The following HECTD4 variants were observed in gnomAD, a reference collection of about 807,000 sequenced individuals.
The protein encoded by HECTD4 is probable E3 ubiquitin-protein ligase HECTD4.
In HECTD4, 114 loss-of-function variants were observed where a neutral mutation model predicts 471.5. The observed-to-expected ratio is 0.24, with a 90% CI of 0.21 to 0.28. The LOEUF (loss-of-function observed/expected upper bound fraction) is 0.28. Among genes scored for constraint, HECTD4 ranks in the 10% least tolerant of loss-of-function variants. The probability of loss-of-function intolerance (pLI) is 1.00; values close to 1 mark genes in which losing one functional copy is unlikely to be tolerated. For missense variants in HECTD4, 3,866 were observed against 5,651.5 expected (o/e 0.68, Z 10.13); for synonymous variants, 2,012 against 2,256.0 (o/e 0.89, Z 3.07).
chr12:112,256,442 C>T lies in HECTD4; in HGVS notation c.3205G>A (p.Val1069Met). The change falls in exon 21 of 76, where the codon GTG (valine) becomes ATG (methionine). Residue 1069 changes from valine to methionine, a missense_variant. Transcript: ENST00000682272. ...TCTCTGACGGGGTGGACTGTTTCCA[C>T]AGTCTTTCCAGCAGCCCATGGGGCA... The part of the protein sequence containing the change: ...IPAPWAAGKT[V>M]ETVHPVRDNY... The T allele has an allele frequency of 6.2e-7, 1 of 1,612,534 alleles. No individual in the cohort carries two copies. Among genetic ancestry groups the T allele is most frequent in the Non-Finnish European group, 8.5e-7 (1 of 1,179,224 alleles).
At chr12:112,259,364 C>A (rs1186439260) in intron 18 of HECTD4, 99 bp from the exon 19 acceptor site, 1 of 1,253,440 alleles carries the variant, frequency 8.0e-7, no homozygotes, top group East Asian at 2.5e-5. Flanking sequence ...CTAAACTGCA[C>A]CTCCTTAAAC....
intron 1 of HECTD4, among the ~76,000 whole-genome samples, chr12:112,376,497 T>C (rs538921486): frequency 2.0e-5 from 3 of 152,108 alleles, no homozygotes; most frequent in East Asian, 3.9e-4. Flanking sequence ...CTGCCCGCCG[T>C]GGCCTCCCAA....
chr12:112,294,637 C>T (rs1450026773), intron 7 of HECTD4, among the ~76,000 whole-genome samples: 1 of 152,062 alleles, frequency 6.6e-6, no homozygotes, highest in African/African-American at 2.4e-5. Flanking sequence ...CCTACCTTAC[C>T]CTCAACCAAC....
At chr12:112,265,431 G>A (rs2034247172) in intron 15 of HECTD4, 136 bp from the exon 16 acceptor site, 2 of 572,674 alleles carry the variant, frequency 3.5e-6, no homozygotes, top group African/African-American at 1.9e-5. Context: ...TAGTAATAAT[G>A]CTAACAACTA....
At chr12:112,165,810 G>A (rs767509083) in intron 72 of HECTD4, among the ~76,000 whole-genome samples, 1 of 152,256 alleles carries the variant, frequency 6.6e-6, no homozygotes, top group Non-Finnish European at 1.5e-5. Context: ...AGGGGAAACT[G>A]ATTCGCACTG....
chr12:112,184,409 G>A lies in HECTD4; in HGVS notation c.10557C>T (p.Pro3519=). 6.2e-7 allele frequency: 1 copy of A among 1,606,830 alleles called. No homozygotes were observed. The highest frequency in any genetic ancestry group is 8.5e-7 in the Non-Finnish European group (1 of 1,177,340). Residue 3519 remains proline, a synonymous_variant, in exon 61 of 76, where the codon CCC becomes CCT. Transcript: ENST00000682272. This position sits in a 1 kb window ranked among gnomAD's most constrained non-coding sequence, Gnocchi z 9.1. ...GGGGCTCCAACAGGCCCGGAGGGAT[G>A]GGCAGCTCGAGGCCGGCAGGCAGCG... ...VDPLPAGLEL[P]IPPGLLEPHA...
In HECTD4 at chr12:112,235,041, T is replaced by C. The variant is rs2033467588; in HGVS notation, c.5915+36A>G. Reference sequence around the variant, plus strand: ...ACAGTGCCTGTGACATGGGTGGTGCTTGAGGATGTGTAGCTATCACAATCA... The same window carrying C: ...ACAGTGCCTGTGACATGGGTGGTGCCTGAGGATGTGTAGCTATCACAATCA... On this transcript the variant is annotated intron_variant, in intron 37 of 75. Transcript: ENST00000682272. The surrounding 1 kb of genome is among the most constrained non-coding windows in gnomAD (Gnocchi z 5.0). The C allele has an allele frequency of 6.5e-7, 1 of 1,539,358 alleles. No homozygotes were observed. The highest frequency in any genetic ancestry group is 8.8e-7 in the Non-Finnish European group (1 of 1,138,772).
chr12:112,299,495 T>C (rs1245553102), intron 7 of HECTD4, among the ~76,000 whole-genome samples: 1 of 152,000 alleles, frequency 6.6e-6, no homozygotes, highest in Non-Finnish European at 1.5e-5. Flanking sequence ...TGGTGGCACG[T>C]GCCTGTAGTC....
In HECTD4 at chr12:112,184,486, T is replaced by C. The variant is rs2031787677; in HGVS notation, c.10480A>G (p.Ile3494Val). Reference protein sequence around the residue: ...SASASTSQASICSSQGISQTV... With the variant: ...SASASTSQASVCSSQGISQTV... Reference sequence around the variant, plus strand: ...TGGGAGATGCCCTGCGAGCTGCAGATGGAGGCCTGGCTGGTGGAGGCGGAG... The same window carrying C: ...TGGGAGATGCCCTGCGAGCTGCAGACGGAGGCCTGGCTGGTGGAGGCGGAG... The change falls in exon 61 of 76, where the codon ATC (isoleucine) becomes GTC (valine). Residue 3494 changes from isoleucine (I) to valine (V), a missense_variant. This residue lies in a region of HECTD4 where 192 missense variants were observed against 189.9 expected (regional missense o/e 1.01). Coordinates refer to ENST00000682272, the MANE Select transcript of HECTD4 (RefSeq NM_001388303.1). The surrounding 1 kb of genome is among the most constrained non-coding windows in gnomAD (Gnocchi z 9.1). 6.2e-7 allele frequency: 1 copy of C among 1,607,878 alleles called. No individual in the cohort carries two copies. The highest frequency in any genetic ancestry group is 2.2e-5 in the East Asian group (1 of 44,808).
intron 38 of HECTD4, among the ~76,000 whole-genome samples, chr12:112,232,550 T>C (rs962606431): frequency 2.6e-5 from 4 of 152,250 alleles, no homozygotes; most frequent in Admixed American, 2.6e-4. Flanking sequence ...TTTCTTGACT[T>C]GTCTGACAGA....
In HECTD4 at chr12:112,231,677, G is replaced by A. The variant is rs566023089; in HGVS notation, c.6036C>T (p.Ala2012=). ...CCCACTTGGTGGCTTTCCGCAGGGC[G>A]GCTGCAGCCTCTTCTGTAATCACTT... ...CCEVITEEAA[A]ALRKATKWAQ... is the part of the protein sequence containing the mutation. The change falls in exon 39 of 76, where the codon GCC becomes GCT. Residue 2012 remains alanine, a synonymous_variant. Transcript: ENST00000682272. 456 of 1,612,986 alleles carry A rather than the reference G, an allele frequency of 2.8e-4. 5 individuals are homozygous for A. The South Asian group carries it at 4.7e-3, about 17-fold the overall frequency.
At chr12:112,246,004 C>T (rs1593971644) in intron 29 of HECTD4, among the ~76,000 whole-genome samples, 1 of 151,958 alleles carries the variant, frequency 6.6e-6, no homozygotes, top group African/African-American at 2.4e-5. Context: ...TGGTGGTGAG[C>T]GCCTGTAATC....
intron 7 of HECTD4, among the ~76,000 whole-genome samples, chr12:112,291,811 G>A (rs946709524): frequency 2.6e-5 from 4 of 152,172 alleles, no homozygotes; most frequent in Non-Finnish European, 5.9e-5. Context: ...GGCGGAGCTT[G>A]CAGTGAGCCA....
At chr12:112,307,207 C>T (rs1352420435) in intron 6 of HECTD4, among the ~76,000 whole-genome samples, 1 of 152,252 alleles carries the variant, frequency 6.6e-6, no homozygotes, top group Non-Finnish European at 1.5e-5. Flanking sequence ...CCAAGGCGAT[C>T]TCTGACCCCT....
intron 60 of HECTD4, 114 bp from the exon 61 acceptor site, chr12:112,185,607 A>C (rs2031834210): frequency 1.4e-6 from 1 of 731,064 alleles, no homozygotes; most frequent in South Asian, 2.4e-5. Flanking sequence ...CTGACTGCGC[A>C]ATTCAGTCCC....
intron 67 of HECTD4, 99 bp from the exon 68 acceptor site, chr12:112,171,362 G>A (rs141765505): frequency 2.3e-4 from 350 of 1,515,026 alleles, no homozygotes; most frequent in Non-Finnish European, 2.9e-4. Context: ...GAACAGGATT[G>A]GTGGATTTTT....
In HECTD4 at chr12:112,239,227, C is replaced by T; in HGVS notation, c.5115G>A (p.Glu1705=). The change falls in exon 34 of 76, where the codon GAG becomes GAA. Residue 1705 remains glutamate, a synonymous_variant. Transcript: ENST00000682272. The surrounding 1 kb of genome is among the most constrained non-coding windows in gnomAD (Gnocchi z 4.9). ...LCTIPYTRSE[E]KCLVRSGLVQ... ...CAAGGCCACTGCGTACCAGGCACTTCTCTTCGCTCCTGACAAAGGGTCATG... is the reference window on the plus strand; with the variant it reads ...CAAGGCCACTGCGTACCAGGCACTTTTCTTCGCTCCTGACAAAGGGTCATG... 1.2e-6 allele frequency: 2 copies of T among 1,610,394 alleles called. No individual in the cohort carries two copies. The highest frequency in any genetic ancestry group is 1.7e-6 in the Non-Finnish European group (2 of 1,178,378).
chr12:112,196,345 C>T (rs983342311), intron 55 of HECTD4, among the ~76,000 whole-genome samples: 2 of 152,174 alleles, frequency 1.3e-5, no homozygotes, highest in Non-Finnish European at 2.9e-5. Context: ...TAAGAAACTA[C>T]ATCGTAGGTG....
chr12:112,340,163 T>C (rs1012158698), intron 1 of HECTD4, among the ~76,000 whole-genome samples: 2 of 152,174 alleles, frequency 1.3e-5, no homozygotes, highest in African/African-American at 4.8e-5. Flanking sequence ...TAATTAATAA[T>C]AAAAAATTGT....
Sources: gnomAD v4.1 joint callset for allele counts (sites outside exome capture counted in the v4.1 genomes callset) on GRCh38, gnomAD v4.1.1 for gene constraint, gnomAD v4.1.1 regional missense constraint, Gnocchi (gnomAD v3.1) non-coding constraint, MANE v1.5 for transcripts, NCBI Gene and HGNC (gene_info 2026-07-23, HGNC 2026-07-21) for gene names.